GRID2: variants seen among roughly 807,000 people sequenced by gnomAD.
GRID2 encodes glutamate receptor ionotropic, delta-2.
GRID2 carries 33 observed loss-of-function variants against 114.8 expected under a neutral mutation model. The observed-to-expected ratio is 0.29, with a 90% CI of 0.22 to 0.38. The LOEUF is 0.38. Among genes scored for constraint, GRID2 ranks in the 10% least tolerant of loss-of-function variants. The pLI is 1.00. For synonymous variants in GRID2, 505 were observed against 449.9 expected (o/e 1.12, Z -1.55); for missense variants, 1,184 against 1,257.7 (o/e 0.94, Z 0.89).
chr4:92,491,356 C>T (rs893581122), intron 1 of GRID2, among the ~76,000 whole-genome samples: 11 of 152,216 alleles, frequency 7.2e-5, no homozygotes, highest in African/African-American at 2.6e-4. Context: ...CTGTTTTGTG[C>T]TGGATATTGA....
At chr4:93,106,656 G>A (rs1199341933) in intron 3 of GRID2, among the ~76,000 whole-genome samples, 1 of 152,176 alleles carries the variant, frequency 6.6e-6, no homozygotes, top group Non-Finnish European at 1.5e-5. Context: ...ACACACAGCA[G>A]CTCATAAAGA....
At chr4:92,476,247 G>T (rs561171596) in intron 1 of GRID2, among the ~76,000 whole-genome samples, 3 of 152,090 alleles carry the variant, frequency 2.0e-5, no homozygotes, top group Admixed American at 6.5e-5. Flanking sequence ...GGATGGTCTC[G>T]ATCTCCTGAC....
At chr4:93,342,947 G>A (rs546524058) in intron 8 of GRID2, among the ~76,000 whole-genome samples, 1 of 152,108 alleles carries the variant, frequency 6.6e-6, no homozygotes, top group African/African-American at 2.4e-5. Flanking sequence ...AGAGTATCAA[G>A]TAAAATATTC....
chr4:93,078,788 A>AAAT (rs1187121193), intron 2 of GRID2, among the ~76,000 whole-genome samples: 1 of 146,946 alleles, frequency 6.8e-6, no homozygotes, highest in African/African-American at 2.5e-5. Flanking sequence ...TGTATATACT[A>AAAT]AATATAATTA....
At chr4:92,431,484 G>A (rs1049525707) in intron 1 of GRID2, among the ~76,000 whole-genome samples, 1 of 151,324 alleles carries the variant, frequency 6.6e-6, no homozygotes, top group African/African-American at 2.4e-5. Flanking sequence ...TTAATATATT[G>A]TTGAATTTAC....
chr4:92,395,818 T>A (rs1730466169), intron 1 of GRID2, among the ~76,000 whole-genome samples: 1 of 151,958 alleles, frequency 6.6e-6, no homozygotes, highest in Admixed American at 6.6e-5. Context: ...AACACTGAAG[T>A]TTAGTAACTA....
intron 13 of GRID2, among the ~76,000 whole-genome samples, chr4:93,568,230 ATATCT>A (rs1331468433): frequency 6.6e-6 from 1 of 152,220 alleles, no homozygotes; most frequent in Non-Finnish European, 1.5e-5. Flanking sequence ...TTTAATGAAC[ATATCT>A]TAAGAGTCTT....
intron 2 of GRID2, among the ~76,000 whole-genome samples, chr4:92,901,064 A>AT (rs924146717): frequency 9.9e-5 from 15 of 151,818 alleles, no homozygotes; most frequent in South Asian, 2.1e-4. Flanking sequence ...TTATACAATA[A>AT]TTTTTTTTAG....
intron 2 of GRID2, among the ~76,000 whole-genome samples, chr4:92,924,031 A>C (rs1020648960): frequency 6.6e-6 from 1 of 152,212 alleles, no homozygotes; most frequent in African/African-American, 2.4e-5. Context: ...TGGATTAAGA[A>C]AATGTGGCAC....
At chr4:92,880,857 G>T (rs1162431371) in intron 2 of GRID2, among the ~76,000 whole-genome samples, 1 of 152,052 alleles carries the variant, frequency 6.6e-6, no homozygotes, top group East Asian at 1.9e-4. Flanking sequence ...AAGTAGCGTG[G>T]ATTACAGGCG....
chr4:92,536,598 GCTTA>G (rs777284744), intron 1 of GRID2, among the ~76,000 whole-genome samples: 16 of 152,204 alleles, frequency 1.1e-4, no homozygotes, highest in Middle Eastern at 3.4e-3. Flanking sequence ...TTAATTTTTT[GCTTA>G]CTTTTCTGTT....
At position 93,460,288 on chromosome 4, in the gene GRID2, G is replaced by T. The variant is rs555485998; in HGVS notation, c.1858+4314G>T. Among the ~76,000 whole-genome samples the T allele has an allele frequency of 2.0e-5, 3 of 152,206 alleles. No individual in the cohort carries two copies. The South Asian group carries it at 6.2e-4, about 32-fold the overall frequency. On this transcript the variant is annotated intron_variant, in intron 11 of 15. Transcript: ENST00000282020. ...TCAGTTCTCATCTCTTACCATTCGT[G>T]CCTCACATTTAATTGCCCAGTTACT...
chr4:92,578,759 TCTATCTAC>T (rs1728031381), intron 1 of GRID2, among the ~76,000 whole-genome samples: 1 of 152,010 alleles, frequency 6.6e-6, no homozygotes, highest in Non-Finnish European at 1.5e-5. Context: ...TATCTATCTA[TCTATCTAC>T]ATATTTGAAT....
chr4:92,931,797 T>C (rs536619267), intron 2 of GRID2, among the ~76,000 whole-genome samples: 10 of 151,178 alleles, frequency 6.6e-5, no homozygotes, highest in Non-Finnish European at 1.3e-4. Flanking sequence ...CAAAACATAA[T>C]GAGTAGAGAT....
At chr4:93,319,874 A>G (rs1278854295) in intron 8 of GRID2, 3 of 152,144 alleles carry the variant, frequency 2.0e-5, no homozygotes, top group African/African-American at 7.2e-5. Flanking sequence ...AGAATACCAG[A>G]TAAGAGTCCA....
intron 2 of GRID2, among the ~76,000 whole-genome samples, chr4:92,868,994 G>C (rs907163803): frequency 6.6e-6 from 1 of 152,022 alleles, no homozygotes; most frequent in Admixed American, 6.6e-5. Flanking sequence ...TACATATTAG[G>C]ATGATAAGTA....
chr4:92,743,716 A>C (rs1737008706), intron 2 of GRID2, among the ~76,000 whole-genome samples: 1 of 152,266 alleles, frequency 6.6e-6, no homozygotes, highest in South Asian at 2.1e-4. Context: ...ATTTTACATA[A>C]GGTTGTATGG....
At chr4:93,420,518 T>C (rs11097363) in intron 9 of GRID2, among the ~76,000 whole-genome samples, 90,138 of 151,774 alleles carry the variant, frequency 0.59, 27,215 homozygotes, top group East Asian at 0.71. Context: ...ATTTTACCAA[T>C]AATATTAAAG....
chr4:92,325,650 A>G (rs1726553473), intron 1 of GRID2, among the ~76,000 whole-genome samples: 1 of 151,762 alleles, frequency 6.6e-6, no homozygotes, highest in Admixed American at 6.6e-5. Context: ...ACCTAGTACA[A>G]ATTTTTGTTA....
Sources: allele counts gnomAD v4.1 joint callset (sites outside exome capture counted in the v4.1 genomes callset), GRCh38; gene constraint gnomAD v4.1.1; transcripts MANE v1.5; gene names NCBI Gene and HGNC (gene_info 2026-07-23, HGNC 2026-07-21).